Variants in RNF128 observed in about 807,000 individuals in gnomAD.
The protein encoded by RNF128 is E3 ubiquitin-protein ligase RNF128.
Under a neutral mutation model 26.2 loss-of-function variants are expected in RNF128, and 13 were observed. That is an observed-to-expected ratio of 0.50 (90% CI 0.32 to 0.79). RNF128 has a LOEUF of 0.79. Ranked by LOEUF, RNF128 falls within the 30% of genes least tolerant of loss-of-function variation. The pLI is 0.03. For missense variants in RNF128, 315 were observed against 349.7 expected (o/e 0.90, Z 0.79); for synonymous variants, 149 against 142.5 (o/e 1.05, Z -0.32).
intron 6 of RNF128, among the ~76,000 whole-genome samples, chrX:106,792,239 G>T (rs1477495906): frequency 9.1e-6 from 1 of 109,896 alleles, no homozygotes; most frequent in Admixed American, 9.9e-5. Context: ...AGATGATCTT[G>T]TACTCTCATA....
chrX:106,699,191 G>A (rs765089695), intron 1 of RNF128, among the ~76,000 whole-genome samples: 105 of 111,835 alleles, frequency 9.4e-4, no homozygotes, highest in Non-Finnish European at 1.6e-3. Flanking sequence ...AGCAGCCAGA[G>A]TGATCCTGTG....
At chrX:106,755,024 G>A (rs973380909) in intron 1 of RNF128, among the ~76,000 whole-genome samples, 1 of 111,424 alleles carries the variant, frequency 9.0e-6, no homozygotes, top group Non-Finnish European at 1.9e-5. Context: ...CAAACCTTTA[G>A]CCAGAATAAA....
intron 1 of RNF128, among the ~76,000 whole-genome samples, chrX:106,767,126 G>C (rs940672976): frequency 8.9e-6 from 1 of 111,798 alleles, no homozygotes; most frequent in Non-Finnish European, 1.9e-5. Context: ...TAGCCTTGTA[G>C]TATAGTTTGA....
chrX:106,725,490 ATAAAG>A (rs1458287972), upstream of RNF128, among the ~76,000 whole-genome samples: 1 of 112,154 alleles, frequency 8.9e-6, no homozygotes, highest in African/African-American at 3.2e-5. Context: ...GTTGAGCTGC[ATAAAG>A]TAGACTGTAT....
chrX:106,780,322 G>A (rs1215391254), intron 2 of RNF128, among the ~76,000 whole-genome samples: 1 of 111,497 alleles, frequency 9.0e-6, no homozygotes, highest in East Asian at 2.8e-4. Flanking sequence ...AATGATCATT[G>A]GTTTGACATT....
At chrX:106,712,765 C>T (rs1929148608) in intron 1 of RNF128, among the ~76,000 whole-genome samples, 1 of 111,162 alleles carries the variant, frequency 9.0e-6, no homozygotes, top group Non-Finnish European at 1.9e-5. Context: ...AAAAGATATA[C>T]TATTTGAACA....
In RNF128 at chrX:106,787,959, A is replaced by C; in HGVS notation, c.846A>C (p.Glu282Asp). 4 of 1,192,633 alleles carry C rather than the reference A, an allele frequency of 3.4e-6. No homozygotes were observed. Among genetic ancestry groups the C allele is most frequent in the Non-Finnish European group, 4.5e-6 (4 of 886,789 alleles). The change falls in exon 4 of 7, where the codon GAA (glutamate) becomes GAC (aspartate). Residue 282 changes from glutamate to aspartate, a missense_variant. Transcript: ENST00000255499. The stretch of plus-strand genomic sequence containing the variant: ...GAGATAGTTGTGCTGTGTGCATTGA[A>C]TTGTATAAACCAAATGATTTGGTAC... ...PDGDSCAVCI[E>D]LYKPNDLVRI... is the part of the protein sequence containing the mutation.
intron 4 of RNF128, among the ~76,000 whole-genome samples, chrX:106,788,794 A>C (rs1227025865): frequency 1.4e-5 from 1 of 73,452 alleles, no homozygotes; most frequent in Admixed American, 2.2e-4. Flanking sequence ...ATTTTATATA[A>C]TTATATATAC....
intron 2 of RNF128, among the ~76,000 whole-genome samples, chrX:106,777,921 G>A (rs751969638): frequency 9.0e-6 from 1 of 111,721 alleles, no homozygotes; most frequent in Non-Finnish European, 1.9e-5. Flanking sequence ...AGTGAGCCGA[G>A]ATCATGCCAC....
At chrX:106,725,282 T>C (rs1019589028), upstream of RNF128, among the ~76,000 whole-genome samples, 4 of 111,857 alleles carry the variant, frequency 3.6e-5, no homozygotes, top group African/African-American at 1.3e-4. Flanking sequence ...CCTAAGAGTA[T>C]ATGTTTCACA....
chrX:106,731,819 C>G (rs1929506765), intron 1 of RNF128, among the ~76,000 whole-genome samples: 1 of 111,581 alleles, frequency 9.0e-6, no homozygotes, highest in Admixed American at 9.5e-5. Context: ...TCCTTGCTTT[C>G]AATACCCTGC....
chrX:106,695,390 GTT>G (rs1438933615), intron 1 of RNF128, among the ~76,000 whole-genome samples: 1 of 111,881 alleles, frequency 8.9e-6, no homozygotes, highest in Non-Finnish European at 1.9e-5. Context: ...TCAAACTTAT[GTT>G]AAGAATAGTA....
intron 1 of RNF128, among the ~76,000 whole-genome samples, chrX:106,735,612 T>C (rs965798855): frequency 8.9e-6 from 1 of 111,793 alleles, no homozygotes; most frequent in African/African-American, 3.2e-5. Flanking sequence ...TACTCCAAAA[T>C]TATTGATAGA....
intron 1 of RNF128, among the ~76,000 whole-genome samples, chrX:106,739,167 A>T (rs1201333578): frequency 3.5e-4 from 33 of 93,813 alleles, no homozygotes; most frequent in African/African-American, 1.3e-3. Flanking sequence ...TTTCTTTCTG[A>T]CTTTTTTTTT....
chrX:106,724,787 T>C, upstream of RNF128, among the ~76,000 whole-genome samples: 1 of 111,834 alleles, frequency 8.9e-6, no homozygotes, highest in South Asian at 3.8e-4. Flanking sequence ...TCATAGTGCT[T>C]ACACTATATA....
chrX:106,722,888 T>C (rs1929338190), upstream of RNF128, among the ~76,000 whole-genome samples: 2 of 110,827 alleles, frequency 1.8e-5, no homozygotes, highest in Non-Finnish European at 3.8e-5. Flanking sequence ...GGGGGGTTCA[T>C]AGGATGATTT....
At chrX:106,708,336 T>C (rs1929075559) in intron 1 of RNF128, among the ~76,000 whole-genome samples, 1 of 112,138 alleles carries the variant, frequency 8.9e-6, no homozygotes, top group Non-Finnish European at 1.9e-5. Context: ...CATAAAGTGC[T>C]TACACCCACA....
In RNF128 at chrX:106,726,752, T is replaced by G; in HGVS notation, c.-162T>G. ...GAGGAGCTGCATCTGCGGCAACCTG[T>G]GTGCTGACGCTACGTGCCTCCTGGC... is the stretch of plus-strand genomic sequence containing the variant. On this transcript the variant is annotated 5_prime_UTR_variant, in exon 1 of 7. Coordinates refer to ENST00000255499, the MANE Select transcript of RNF128 (RefSeq NM_194463.2). The G allele has an allele frequency of 1.9e-6, 2 of 1,060,328 alleles. No homozygotes were observed. The highest frequency in any genetic ancestry group is 1.9e-5 in the African/African-American group (1 of 51,707). 87.4% of individuals were successfully genotyped at this position (1,060,328 alleles called of 1,213,427 possible).
intron 1 of RNF128, among the ~76,000 whole-genome samples, chrX:106,730,109 T>G (rs1221317651): frequency 8.9e-6 from 1 of 112,368 alleles, no homozygotes; most frequent in Non-Finnish European, 1.9e-5. Flanking sequence ...AGTGTCTATA[T>G]TCCCACCTAA....
Sources: allele counts gnomAD v4.1 joint callset (sites outside exome capture counted in the v4.1 genomes callset), GRCh38; gene constraint gnomAD v4.1.1; transcripts MANE v1.5; gene names NCBI Gene and HGNC (gene_info 2026-07-23, HGNC 2026-07-21).